WDPCP: variants seen among roughly 807,000 people sequenced by gnomAD.
WDPCP encodes WD repeat containing planar cell polarity effector.
Under a neutral mutation model 93.1 loss-of-function variants are expected in WDPCP, and 71 were observed. The ratio of observed to expected loss-of-function variants is 0.76; its 90% CI spans 0.63 to 0.93. The LOEUF (loss-of-function observed/expected upper bound fraction) is 0.93, where lower values mean the gene tolerates loss of function less well. WDPCP is among the 40% of genes least tolerant of loss of function. The probability of loss-of-function intolerance (pLI) is 0.00; values close to 1 mark genes in which losing one functional copy is unlikely to be tolerated. For missense variants in WDPCP, 844 were observed against 887.4 expected (o/e 0.95, Z 0.62); for synonymous variants, 315 against 315.0 (o/e 1.00, Z 0.00).
intron 13 of WDPCP, among the ~76,000 whole-genome samples, chr2:63,303,309 G>A (rs1244632559): frequency 6.6e-6 from 1 of 152,172 alleles, no homozygotes; most frequent in Non-Finnish European, 1.5e-5. Context: ...GGAAATAAAA[G>A]GACATCAATA....
intron 2 of WDPCP, among the ~76,000 whole-genome samples, chr2:63,795,902 C>G (rs916370213): frequency 9.9e-5 from 15 of 152,192 alleles, no homozygotes; most frequent in Admixed American, 3.9e-4. Context: ...TGTTCAGGTA[C>G]CCATTCCCTT....
intron 15 of WDPCP, among the ~76,000 whole-genome samples, chr2:63,157,037 G>C (rs766736158): frequency 2.1e-5 from 3 of 145,128 alleles, no homozygotes; most frequent in Non-Finnish European, 4.5e-5. Context: ...TCTACTCCTA[G>C]TTTTCTGGGC....
chr2:63,245,172 C>A (rs188013280), intron 14 of WDPCP, among the ~76,000 whole-genome samples: 7 of 152,144 alleles, frequency 4.6e-5, no homozygotes, highest in African/African-American at 1.7e-4. Flanking sequence ...TGCCCTCACA[C>A]AAGCACACCC....
At chr2:63,223,982 T>C (rs779215664) in intron 14 of WDPCP, among the ~76,000 whole-genome samples, 7 of 152,212 alleles carry the variant, frequency 4.6e-5, no homozygotes, top group Non-Finnish European at 7.4e-5. Context: ...CTTCCAGCTT[T>C]GTTGTTCTTC....
rs530645326 is a variant in WDPCP, at chr2:63,633,368, G to C, written n.488+17291C>G. ...ATAGTATAAAGGTTTAAAGACAAAAGCATTAAAAATAACTAAAGCTACATT... is the reference window on the plus strand; with the variant it reads ...ATAGTATAAAGGTTTAAAGACAAAACCATTAAAAATAACTAAAGCTACATT... On this transcript the variant is annotated intron_variant and non_coding_transcript_variant, in intron 3 of 4. Coordinates refer to the WDPCP transcript ENST00000467687. Among the ~76,000 whole-genome samples the C allele has an allele frequency of 2.6e-5, 4 of 152,104 alleles. No homozygotes were observed. The South Asian group carries it at 8.3e-4, about 32-fold the overall frequency.
intron 3 of WDPCP, among the ~76,000 whole-genome samples, chr2:63,637,412 C>A: frequency 1.1e-5 from 1 of 90,950 alleles, no homozygotes; most frequent in African/African-American, 5.1e-5. Flanking sequence ...AAACCAGTGG[C>A]TACAACAGAA....
intron 2 of WDPCP, among the ~76,000 whole-genome samples, chr2:63,802,277 C>T (rs972542318): frequency 3.6e-4 from 20 of 55,554 alleles, no homozygotes; most frequent in African/African-American, 1.1e-3. Flanking sequence ...GATACCCTCT[C>T]TCTTAAAAAA....
At chr2:63,275,005 T>C (rs879187830) in intron 13 of WDPCP, among the ~76,000 whole-genome samples, 2 of 151,916 alleles carry the variant, frequency 1.3e-5, no homozygotes, top group African/African-American at 4.8e-5. Flanking sequence ...AAAAAACCTA[T>C]AGGCCAAAAA....
intron 2 of WDPCP, among the ~76,000 whole-genome samples, chr2:63,750,277 AG>A (rs1372815720): frequency 6.6e-6 from 1 of 152,102 alleles, no homozygotes; most frequent in Non-Finnish European, 1.5e-5. Flanking sequence ...GCCTAGGTTT[AG>A]TTATATAAGC....
chr2:63,736,970 A>G (rs1310921409), intron 2 of WDPCP, among the ~76,000 whole-genome samples: 3 of 152,132 alleles, frequency 2.0e-5, no homozygotes, highest in African/African-American at 7.2e-5. Context: ...AAAAAAAACC[A>G]TATATTACCT....
At chr2:63,221,549 A>G (rs974622703) in intron 14 of WDPCP, among the ~76,000 whole-genome samples, 7 of 152,222 alleles carry the variant, frequency 4.6e-5, no homozygotes, top group Non-Finnish European at 1.0e-4. Context: ...TCCTAAAGGT[A>G]TTTAGAAGAC....
intron 15 of WDPCP, among the ~76,000 whole-genome samples, chr2:63,157,124 T>G (rs1672315840): frequency 6.6e-6 from 1 of 151,780 alleles, no homozygotes; most frequent in Admixed American, 6.6e-5. Flanking sequence ...TTTGATCAGT[T>G]GATTTTTCTT....
chr2:63,228,675 A>C (rs183808749), intron 14 of WDPCP: 12 of 151,766 alleles, frequency 7.9e-5, no homozygotes, highest in Admixed American at 3.3e-4. Context: ...GAGTGAGAAC[A>C]TATGGTGTTT....
intron 2 of WDPCP, among the ~76,000 whole-genome samples, chr2:63,785,589 T>C (rs1670455035): frequency 2.0e-5 from 3 of 152,314 alleles, no homozygotes; most frequent in Admixed American, 2.0e-4. Flanking sequence ...GGAAATATGA[T>C]AAACCCTCTC....
At chr2:63,624,905 T>C (rs1234123623) in intron 3 of WDPCP, among the ~76,000 whole-genome samples, 2 of 152,188 alleles carry the variant, frequency 1.3e-5, no homozygotes, top group Non-Finnish European at 2.9e-5. Flanking sequence ...ATATCCCTGA[T>C]GAACATTGAT....
chr2:63,352,346 T>A (rs913909490), intron 12 of WDPCP, among the ~76,000 whole-genome samples: 3 of 152,232 alleles, frequency 2.0e-5, no homozygotes, highest in African/African-American at 7.2e-5. Flanking sequence ...GTTTCAATAC[T>A]TTCCTATACT....
intron 3 of WDPCP, among the ~76,000 whole-genome samples, chr2:63,609,687 A>G (rs971374668): frequency 6.6e-6 from 1 of 152,100 alleles, no homozygotes; most frequent in Admixed American, 6.5e-5. Flanking sequence ...AGCCTGAGCA[A>G]TGTAGTGAGA....
At chr2:63,572,706 A>AAAAAAAAAAAAAAAAAAAAAG (rs1707616815) in intron 1 of WDPCP, among the ~76,000 whole-genome samples, 1 of 143,016 alleles carries the variant, frequency 7.0e-6, no homozygotes, top group Non-Finnish European at 1.5e-5. Context: ...TGTCTCAAAA[A>AAAAAAAAAAAAAAAAAAAAAG]AAAAAAAAAA....
rs193148321 is a variant in WDPCP, at chr2:63,405,929, G to T, written c.826-1272C>A. 3.9e-5 allele frequency among the ~76,000 whole-genome samples: 6 copies of T among 152,234 alleles called. No individual in the cohort carries two copies. The East Asian group carries it at 1.2e-3, about 29-fold the overall frequency. On this transcript the variant is annotated intron_variant, in intron 9 of 17. Transcript: ENST00000272321. Reference sequence around the variant, plus strand: ...ATCTGATGAAATCCATCTAAGGTCTGCACCTGAGTTAACAGTATAGTAACA... The same window carrying T: ...ATCTGATGAAATCCATCTAAGGTCTTCACCTGAGTTAACAGTATAGTAACA...
Sources: allele counts gnomAD v4.1 joint callset (sites outside exome capture counted in the v4.1 genomes callset), GRCh38; gene constraint gnomAD v4.1.1; transcripts MANE v1.5; gene names NCBI Gene and HGNC (gene_info 2026-07-23, HGNC 2026-07-21).